EHD3: variants seen among roughly 807,000 people sequenced by gnomAD.
The protein encoded by EHD3 is EH domain containing 3, also known as EH domain-containing protein 3.
EHD3 carries 17 observed loss-of-function variants against 43.0 expected under a neutral mutation model. The observed-to-expected ratio is 0.40, with a 90% CI of 0.27 to 0.59. The LOEUF (loss-of-function observed/expected upper bound fraction) is 0.59, where lower values mean the gene tolerates loss of function less well. Ranked by LOEUF, EHD3 falls within the 20% of genes least tolerant of loss-of-function variation. The pLI, the probability that EHD3 is intolerant of heterozygous loss-of-function variation, is 0.49. For synonymous variants in EHD3, 313 were observed against 289.5 expected, an observed-to-expected ratio of 1.08 and a Z score of -0.82; for missense variants, 594 against 705.6, an observed-to-expected ratio of 0.84 and a Z score of 1.79.
intron 3 of EHD3, among the ~76,000 whole-genome samples, chr2:31,253,790 G>A (rs1045921534): frequency 2.0e-5 from 3 of 152,182 alleles, no homozygotes; most frequent in African/African-American, 4.8e-5. Context: ...GAGGTCCTGG[G>A]CCAGCACTTG....
chr2:31,249,207 G>A (rs1373319992), intron 2 of EHD3, among the ~76,000 whole-genome samples, 164 bp from the exon 3 acceptor site: 1 of 152,186 alleles, frequency 6.6e-6, no homozygotes, highest in African/African-American at 2.4e-5. Flanking sequence ...TCAGCCCCGG[G>A]TCAGCTGTCA....
chr2:31,247,140 G>A (rs1276997478), intron 2 of EHD3, among the ~76,000 whole-genome samples: 6 of 152,006 alleles, frequency 3.9e-5, no homozygotes, highest in South Asian at 2.1e-4. Context: ...CAAGTGATCC[G>A]CCCACCTTGG....
chr2:31,242,484 G>A lies in EHD3; in HGVS notation c.228-1790G>A, dbSNP rs189702038. On this transcript the variant is annotated intron_variant, in intron 1 of 5. Coordinates refer to ENST00000322054, the MANE Select transcript of EHD3 (RefSeq NM_014600.3). ...AATCCCACCATATACTATTACATTC[G>A]TAATGAAATTGCCTAATACCCAAGG... Among the ~76,000 whole-genome samples, 264 of 152,274 alleles carry A rather than the reference G, an allele frequency of 1.7e-3. 7 individuals carry two copies. The highest frequency in any genetic ancestry group is 0.016 in the Admixed American group (246 of 15,298).
chr2:31,264,598 G>A (rs111703531), intron 5 of EHD3, among the ~76,000 whole-genome samples: 4 of 140,908 alleles, frequency 2.8e-5, no homozygotes, highest in Admixed American at 7.4e-5. Flanking sequence ...GCAGTGGCGC[G>A]ATCTCGGCTC....
At chr2:31,261,801 C>G in intron 5 of EHD3, 88 bp downstream of exon 5, 1 of 1,493,212 alleles carries the variant, frequency 6.7e-7, no homozygotes, top group Admixed American at 2.0e-5. Context: ...ACTCTTGGAG[C>G]CCCCCAGGGA....
rs1373949552 is a variant in EHD3 at position 31,234,168 on chromosome 2, A to G, written c.-454A>G. On this transcript the variant is annotated 5_prime_UTR_variant, in exon 1 of 6. Transcript: ENST00000322054. ...CTGCAGGATGCTGCTGCGGATGCAG[A>G]GCTGTCCGCGGGCTGGGCAGCGTCG... Among the ~76,000 whole-genome samples, 1 of 152,086 alleles carries G rather than the reference A, an allele frequency of 6.6e-6. No homozygotes were observed. The highest frequency in any genetic ancestry group is 1.5e-5 in the Non-Finnish European group (1 of 68,008).
At chr2:31,258,989 G>A (rs73925214) in intron 3 of EHD3, among the ~76,000 whole-genome samples, 2,777 of 152,342 alleles carry the variant, frequency 0.018, 88 homozygotes, top group African/African-American at 0.062. Flanking sequence ...TCACAAGGCA[G>A]TTGCCTGATG....
At position 31,244,270 on chromosome 2, in the gene EHD3, C is replaced by T; in HGVS notation, c.228-4C>T. 1 of 1,612,228 alleles carries T rather than the reference C, an allele frequency of 6.2e-7. No homozygotes were observed. The highest frequency in any genetic ancestry group is 8.5e-7 in the Non-Finnish European group (1 of 1,178,702). On this transcript the variant is annotated splice_region_variant and splice_polypyrimidine_tract_variant and intron_variant, in intron 1 of 5. Coordinates refer to ENST00000322054, the MANE Select transcript of EHD3 (RefSeq NM_014600.3). ...TGCATTAGGACTGTGCTTCTTCCTG[C>T]TAGGTACCTGCTGGAACAGGACTTC...
intron 3 of EHD3, among the ~76,000 whole-genome samples, chr2:31,251,840 G>GC (rs1683641673): frequency 6.6e-6 from 1 of 152,136 alleles, no homozygotes; most frequent in Non-Finnish European, 1.5e-5. Context: ...TGGTTTGTTT[G>GC]CCGGAGCACC....
At chr2:31,263,395 G>C (rs779926165) in intron 5 of EHD3, among the ~76,000 whole-genome samples, 7 of 152,202 alleles carry the variant, frequency 4.6e-5, no homozygotes, top group Non-Finnish European at 7.3e-5. Flanking sequence ...TCAATATTCT[G>C]TTCTGCAGTT....
At chr2:31,252,314 C>T (rs1683652499) in intron 3 of EHD3, among the ~76,000 whole-genome samples, 1 of 152,230 alleles carries the variant, frequency 6.6e-6, no homozygotes, top group Admixed American at 6.5e-5. Context: ...ACCTATCATA[C>T]AATCCCAGAG....
At chr2:31,249,046 A>G (rs548013676) in intron 2 of EHD3, among the ~76,000 whole-genome samples, 1 of 152,356 alleles carries the variant, frequency 6.6e-6, no homozygotes, top group South Asian at 2.1e-4. Flanking sequence ...ACTTGGGGCC[A>G]TAAGAATTAA....
At chr2:31,240,289 C>G (rs960904734) in intron 1 of EHD3, among the ~76,000 whole-genome samples, 1 of 152,202 alleles carries the variant, frequency 6.6e-6, no homozygotes, top group Non-Finnish European at 1.5e-5. Flanking sequence ...CCACCCTGGC[C>G]TGAATTAACT....
At chr2:31,246,139 G>A (rs1683521965) in intron 2 of EHD3, among the ~76,000 whole-genome samples, 1 of 152,100 alleles carries the variant, frequency 6.6e-6, no homozygotes, top group East Asian at 1.9e-4. Flanking sequence ...GGTCCCTTTA[G>A]GAAGAATGAG....
intron 3 of EHD3, among the ~76,000 whole-genome samples, chr2:31,250,705 T>C (rs542659979): frequency 1.3e-5 from 2 of 152,196 alleles, no homozygotes; most frequent in East Asian, 3.9e-4. Context: ...CTCTGTGCCA[T>C]GTGTTGTATC....
At chr2:31,253,405 C>T (rs192616644) in intron 3 of EHD3, among the ~76,000 whole-genome samples, 4 of 152,230 alleles carry the variant, frequency 2.6e-5, no homozygotes, top group East Asian at 3.9e-4. Flanking sequence ...AGGCAAGGAC[C>T]GGACACCCTT....
Position 31,260,220 on chromosome 2 carries a change from A to G in EHD3, c.503-290A>G, listed in dbSNP as rs1175192252. On this transcript the variant is annotated intron_variant, in intron 3 of 5. Transcript: ENST00000322054. This position sits in a 1 kb window ranked among gnomAD's most constrained non-coding sequence, Gnocchi z 4.6. ...CGTCTCAAAAAAAAAAGTAACTAGC[A>G]TTTACTGAGCACCTACTAAGTGCCG... Among the ~76,000 whole-genome samples, 1 of 152,146 alleles carries G rather than the reference A, an allele frequency of 6.6e-6. No individual in the cohort carries two copies. Among genetic ancestry groups the G allele is most frequent in the Non-Finnish European group, 1.5e-5 (1 of 68,028 alleles).
intron 1 of EHD3, among the ~76,000 whole-genome samples, chr2:31,239,431 C>T (rs1294822923): frequency 6.6e-6 from 1 of 152,230 alleles, no homozygotes; most frequent in Non-Finnish European, 1.5e-5. Context: ...AGGCCTTAGG[C>T]CAGAGGAACT....
chr2:31,245,553 A>ATTTT (rs1227122252), intron 2 of EHD3, among the ~76,000 whole-genome samples: 40 of 35,056 alleles, frequency 1.1e-3, no homozygotes, highest in Non-Finnish European at 1.8e-3. Flanking sequence ...ATATATATAT[A>ATTTT]TTTTTTTTTT....
Sources: allele counts gnomAD v4.1 joint callset (sites outside exome capture counted in the v4.1 genomes callset), GRCh38; gene constraint gnomAD v4.1.1; non-coding constraint Gnocchi (gnomAD v3.1); transcripts MANE v1.5; gene names NCBI Gene and HGNC (gene_info 2026-07-23, HGNC 2026-07-21).